Variants in ELAC1 observed in about 807,000 individuals in gnomAD.
ELAC1 encodes zinc phosphodiesterase ELAC protein 1.
Under a neutral mutation model 25.8 loss-of-function variants are expected in ELAC1, and 19 were observed. That is an observed-to-expected ratio of 0.74 (90% confidence interval 0.51 to 1.08). ELAC1 has a LOEUF of 1.08. Ranked by LOEUF, ELAC1 falls within the 50% of genes least tolerant of loss-of-function variation. The pLI, the probability that ELAC1 is intolerant of heterozygous loss-of-function variation, is 0.00. For synonymous variants in ELAC1, 148 were observed against 160.9 expected (o/e 0.92, Z 0.61); for missense variants, 403 against 434.6 (o/e 0.93, Z 0.65).
At chr18:50,968,950 A>G (rs921586075) in intron 1 of ELAC1, 1 of 152,200 alleles carries the variant, frequency 6.6e-6, no homozygotes, top group African/African-American at 2.4e-5. Flanking sequence ...TTCATGATCA[A>G]TTCTGTTTCA....
intron 1 of ELAC1, among the ~76,000 whole-genome samples, chr18:50,970,982 C>T (rs926321735): frequency 6.6e-6 from 1 of 152,148 alleles, no homozygotes. Context: ...CATCCCTCCA[C>T]AACAGTAGTT....
chr18:50,979,904 T>C lies in ELAC1; in HGVS notation c.158-4192T>C, dbSNP rs544386687. Among the ~76,000 whole-genome samples, 5 of 152,182 alleles carry C rather than the reference T, an allele frequency of 3.3e-5. No homozygotes were observed. The East Asian group carries it at 9.7e-4, about 29-fold the overall frequency. ...ATGACACCTGGCTAATTTTTTTTTGTATTTTTAATAGAGATGGGGTTTTGC... is the reference window on the plus strand; with the variant it reads ...ATGACACCTGGCTAATTTTTTTTTGCATTTTTAATAGAGATGGGGTTTTGC... On this transcript the variant is annotated intron_variant, in intron 2 of 3. Transcript: ENST00000269466.
At chr18:50,975,155 G>A (rs1448531757) in intron 2 of ELAC1, among the ~76,000 whole-genome samples, 2 of 152,096 alleles carry the variant, frequency 1.3e-5, no homozygotes, top group Non-Finnish European at 2.9e-5. Context: ...TTCTAGTCCT[G>A]GCTGTGTCTT....
Position 50,984,076 on chromosome 18 carries a change from T to C in ELAC1, c.158-20T>C. 6.6e-7 allele frequency: 1 copy of C among 1,516,912 alleles called. No individual in the cohort carries two copies. The highest frequency in any genetic ancestry group is 8.9e-7 in the Non-Finnish European group (1 of 1,127,174). 94.0% of individuals were successfully genotyped at this position (1,516,912 alleles called of 1,614,324 possible). A position where few individuals can be genotyped will look rare whatever the true frequency, so the allele number is the denominator to read the frequency against. Reference sequence around the variant, plus strand: ...GTTAATGAAAAATTTCCAAACGTATTTCTCTATCTCAATCAAAAGGGAGAA... The same window carrying C: ...GTTAATGAAAAATTTCCAAACGTATCTCTCTATCTCAATCAAAAGGGAGAA... On this transcript the variant is annotated intron_variant, in intron 2 of 3. Coordinates refer to ENST00000269466, the MANE Select transcript of ELAC1 (RefSeq NM_018696.3).
At chr18:50,970,664 A>G (rs1741706725) in intron 1 of ELAC1, among the ~76,000 whole-genome samples, 1 of 151,436 alleles carries the variant, frequency 6.6e-6, no homozygotes, top group African/African-American at 2.4e-5. Context: ...GTGTAGTTAG[A>G]GAAGCATGTT....
chr18:50,983,007 G>A (rs1239217357), intron 2 of ELAC1, among the ~76,000 whole-genome samples: 1 of 152,054 alleles, frequency 6.6e-6, no homozygotes, highest in East Asian at 1.9e-4. Context: ...GGAGCCAGTG[G>A]AACATTTTGT....
chr18:50,976,224 A>C (rs191861312), intron 2 of ELAC1, among the ~76,000 whole-genome samples: 13 of 152,258 alleles, frequency 8.5e-5, no homozygotes, highest in Non-Finnish European at 2.9e-5. Context: ...TGGCACATGT[A>C]TTGGGAGAGA....
Position 50,987,037 on chromosome 18 carries a change from G to T in ELAC1, c.1044G>T (p.Val348=). The T allele has an allele frequency of 6.3e-7, 1 of 1,586,156 alleles. No individual in the cohort carries two copies. The highest frequency in any genetic ancestry group is 8.6e-7 in the Non-Finnish European group (1 of 1,167,684). The change falls in exon 4 of 4, where the codon GTG becomes GTT. Residue 348 remains valine (V), a synonymous_variant. Transcript: ENST00000269466. ...QAESVLDLQE[V]TLAEDFMVIS... ...AATCAGTGTTAGATCTCCAAGAAGT[G>T]ACTCTAGCAGAAGATTTTATGGTGA... is the stretch of plus-strand genomic sequence containing the variant.
chr18:50,981,676 A>G (rs1022583844), intron 2 of ELAC1, among the ~76,000 whole-genome samples: 21 of 152,064 alleles, frequency 1.4e-4, no homozygotes, highest in Admixed American at 3.9e-4. Flanking sequence ...AAACTGTGAT[A>G]ACTGTAGGAA....
chr18:50,977,438 C>A (rs1432556701), intron 2 of ELAC1, among the ~76,000 whole-genome samples: 1 of 152,238 alleles, frequency 6.6e-6, no homozygotes, highest in African/African-American at 2.4e-5. Flanking sequence ...AGGCTTGGGG[C>A]TTGCAGTCTC....
At chr18:50,981,330 A>AGT (rs928058580) in intron 2 of ELAC1, among the ~76,000 whole-genome samples, 11 of 151,630 alleles carry the variant, frequency 7.3e-5, no homozygotes, top group East Asian at 1.9e-4. Context: ...ATAGTATGGG[A>AGT]GTGTGTGTGT....
intron 1 of ELAC1, chr18:50,968,946 A>G (rs754482761): frequency 6.6e-6 from 1 of 152,222 alleles, no homozygotes; most frequent in Non-Finnish European, 1.5e-5. Flanking sequence ...CCAATTCATG[A>G]TCAATTCTGT....
Position 50,987,088 on chromosome 18 carries a change from C to G in ELAC1, c.*3C>G. ...TAAGCATTCCAATCAAGAAATGAAA[C>G]CAGTGTTCCTGAGTGCACACTGACA... On this transcript the variant is annotated 3_prime_UTR_variant, in exon 4 of 4. Transcript: ENST00000269466. 6.5e-7 allele frequency: 1 copy of G among 1,528,164 alleles called. No homozygotes were observed. Among genetic ancestry groups the G allele is most frequent in the East Asian group, 2.3e-5 (1 of 44,126 alleles). 94.7% of individuals were successfully genotyped at this position (1,528,164 alleles called of 1,614,324 possible). A position where few individuals can be genotyped will look rare whatever the true frequency, so the allele number is the denominator to read the frequency against.
At chr18:50,985,081 A>G (rs1908064217) in intron 3 of ELAC1, among the ~76,000 whole-genome samples, 1 of 152,210 alleles carries the variant, frequency 6.6e-6, no homozygotes, top group South Asian at 2.1e-4. Context: ...ACCCAAGTAT[A>G]CATTTGAATC....
rs1307799463 is a variant in ELAC1 at position 50,984,409 on chromosome 18, G to A, written c.471G>A (p.Leu157=). ...AAGAGGAACAAGGAAGAACTATCCT[G>A]TTAGACTCAGAAGAAAACTCATACC... ...PPKEEQGRTI[L]LDSEENSYLL... Residue 157 remains leucine (L), a synonymous_variant, in exon 3 of 4, where the codon CTG becomes CTA. Coordinates refer to ENST00000269466, the MANE Select transcript of ELAC1 (RefSeq NM_018696.3). 6.2e-7 allele frequency: 1 copy of A among 1,614,072 alleles called. No individual in the cohort carries two copies.
chr18:50,987,205 A>G lies in ELAC1; in HGVS notation c.*120A>G. 1.5e-6 allele frequency: 1 copy of G among 669,754 alleles called. No individual in the cohort carries two copies. The allele number at this position is 669,754 out of a possible 1,614,324, so 41.5% of individuals were successfully genotyped here. ...TTGGGCCCTAATAATCCTAAAAAGA[A>G]TGGAGCTGCATTGATGAATTGGCTC... On this transcript the variant is annotated 3_prime_UTR_variant, in exon 4 of 4. Transcript: ENST00000269466.
chr18:50,976,431 C>T (rs1239281579), intron 2 of ELAC1, among the ~76,000 whole-genome samples: 2 of 152,122 alleles, frequency 1.3e-5, no homozygotes, highest in Non-Finnish European at 1.5e-5. Flanking sequence ...AGAGCAAAGG[C>T]GTGTCTTACG....
chr18:50,975,681 T>A (rs1383062827), intron 2 of ELAC1, among the ~76,000 whole-genome samples: 1 of 152,026 alleles, frequency 6.6e-6, no homozygotes, highest in Non-Finnish European at 1.5e-5. Flanking sequence ...CTACAACTCT[T>A]CACAGTACCT....
chr18:50,975,769 C>T (rs562858060), intron 2 of ELAC1, among the ~76,000 whole-genome samples: 10 of 152,052 alleles, frequency 6.6e-5, no homozygotes, highest in African/African-American at 1.9e-4. Flanking sequence ...GACATGCAAA[C>T]GGACAGTAAT....
Sources: allele counts gnomAD v4.1 joint callset (sites outside exome capture counted in the v4.1 genomes callset), GRCh38; gene constraint gnomAD v4.1.1; transcripts MANE v1.5; gene names NCBI Gene and HGNC (gene_info 2026-07-23, HGNC 2026-07-21).